SMAD9: variants seen among roughly 807,000 people sequenced by gnomAD.
SMAD9 encodes the protein SMAD family member 9.
Under a neutral mutation model 46.1 loss-of-function variants are expected in SMAD9, and 36 were observed. That is an observed-to-expected ratio of 0.78 (90% confidence interval 0.60 to 1.03). The LOEUF is 1.03. Ranked by LOEUF, SMAD9 falls within the 50% of genes least tolerant of loss-of-function variation. SMAD9 has a pLI of 0.00. For missense variants in SMAD9, 572 were observed against 599.8 expected, an observed-to-expected ratio of 0.95 and a Z score of 0.48; for synonymous variants, 245 against 237.1, an observed-to-expected ratio of 1.03 and a Z score of -0.31.
chr13:36,892,646 C>T (rs370801732), intron 1 of SMAD9, among the ~76,000 whole-genome samples: 4 of 152,108 alleles, frequency 2.6e-5, no homozygotes, highest in Non-Finnish European at 4.4e-5. Flanking sequence ...TCAGGAACGA[C>T]GGAGCTGTTT....
Position 36,879,320 on chromosome 13 carries a change from C to T in SMAD9, c.370G>A (p.Val124Met). 1.9e-6 allele frequency: 3 copies of T among 1,614,178 alleles called. No individual in the cohort carries two copies. Among genetic ancestry groups the T allele is most frequent in the Non-Finnish European group, 2.5e-6 (3 of 1,180,048 alleles). ...CGGTAGTGGTAAGGGTTAATGCACA[C>T]TTCTTTCTGCTTGGAGCCAAATGGG... ...EFPFGSKQKE[V>M]CINPYHYRRV... Residue 124 changes from valine (V) to methionine (M), a missense_variant, in exon 2 of 7, where the codon GTG (valine) becomes ATG (methionine). By Grantham distance (21) the Val-to-Met change is conservative (BLOSUM62 1). Coordinates refer to ENST00000379826, the MANE Select transcript of SMAD9 (RefSeq NM_001127217.3).
rs1450851576 is a variant in SMAD9 at position 36,872,928 on chromosome 13, A to G, written c.413-13T>C. ...ACAGGAGGCAGTACTAGGATCAGAA[A>G]GGAACAAGGCAGTTAGAATTGAACA... On this transcript the variant is annotated splice_polypyrimidine_tract_variant and intron_variant, in intron 2 of 6. Coordinates refer to ENST00000379826, the MANE Select transcript of SMAD9 (RefSeq NM_001127217.3). 3 of 1,613,970 alleles carry G rather than the reference A, an allele frequency of 1.9e-6. No individual in the cohort carries two copies. Among genetic ancestry groups the G allele is most frequent in the Non-Finnish European group, 2.5e-6 (3 of 1,179,970 alleles).
At chr13:36,884,685 T>A (rs535298366) in intron 1 of SMAD9, among the ~76,000 whole-genome samples, 1 of 152,328 alleles carries the variant, frequency 6.6e-6, no homozygotes, top group African/African-American at 2.4e-5. Context: ...CGGTTTTAAA[T>A]CCAGCTCCCA....
At chr13:36,898,500 C>T (rs536295341) in intron 1 of SMAD9, among the ~76,000 whole-genome samples, 1 of 151,984 alleles carries the variant, frequency 6.6e-6, no homozygotes, top group South Asian at 2.1e-4. Flanking sequence ...AACAGATGTA[C>T]ACATCCTTAA....
chr13:36,858,325 C>T lies in SMAD9; in HGVS notation c.1004-4650G>A, dbSNP rs541095513. ...CCTACCGTTGTGCACTGCACAACCA[C>T]TGCAAACCAGGGTTTGCCTCCTAGT... is the stretch of plus-strand genomic sequence containing the variant. On this transcript the variant is annotated intron_variant, in intron 5 of 6. Coordinates refer to ENST00000379826, the MANE Select transcript of SMAD9 (RefSeq NM_001127217.3). Among the ~76,000 whole-genome samples, 6 of 152,348 alleles carry T rather than the reference C, an allele frequency of 3.9e-5. No individual in the cohort carries two copies. The East Asian group carries it at 1.2e-3, about 29-fold the overall frequency.
At chr13:36,859,875 G>A (rs576024072) in intron 5 of SMAD9, among the ~76,000 whole-genome samples, 4 of 151,692 alleles carry the variant, frequency 2.6e-5, no homozygotes, top group Admixed American at 6.6e-5. Flanking sequence ...CAGGAGAATC[G>A]CTTGAACCCG....
rs1255759584 is a variant in SMAD9 at position 36,919,728 on chromosome 13, G to A, written c.-187+388C>T. 2.0e-5 allele frequency among the ~76,000 whole-genome samples: 3 copies of A among 151,072 alleles called. No individual in the cohort carries two copies. In the East Asian group the frequency reaches 6.0e-4, roughly 30 times the overall value. On this transcript the variant is annotated intron_variant, in intron 1 of 6. Coordinates refer to ENST00000379826, the MANE Select transcript of SMAD9 (RefSeq NM_001127217.3). ...CCGCGGGTCGAACATCCCCTGACAG[G>A]TCCCGGGGCCCGCGGCGCGGGCGGA...
chr13:36,911,719 A>C lies in SMAD9; in HGVS notation c.-187+8397T>G, dbSNP rs477288. ...AAGCTCAATTTATTTTTTATTTTTT[A>C]TTTTTTGAGACAGAGTTTTGCTCTT... On this transcript the variant is annotated intron_variant, in intron 1 of 6. Transcript: ENST00000379826. 3.2e-3 allele frequency among the ~76,000 whole-genome samples: 438 copies of C among 136,232 alleles called. 3 individuals are homozygous for C. The highest frequency in any genetic ancestry group is 0.011 in the African/African-American group (419 of 38,638). The allele number at this position is 136,232 out of a possible 152,430, so 89.4% of individuals were successfully genotyped here.
At chr13:36,855,359 G>A (rs896435840) in intron 5 of SMAD9, among the ~76,000 whole-genome samples, 4 of 151,278 alleles carry the variant, frequency 2.6e-5, no homozygotes, top group African/African-American at 9.7e-5. Context: ...CTAAATGTCT[G>A]GGTTTGAGAT....
At chr13:36,854,074 G>A (rs541491201) in intron 5 of SMAD9, among the ~76,000 whole-genome samples, 1 of 152,192 alleles carries the variant, frequency 6.6e-6, no homozygotes, top group East Asian at 1.9e-4. Context: ...CAGGAGAATT[G>A]CTTGAACCTG....
chr13:36,913,605 T>C (rs2058677434), intron 1 of SMAD9, among the ~76,000 whole-genome samples: 1 of 152,190 alleles, frequency 6.6e-6, no homozygotes, highest in East Asian at 1.9e-4. Flanking sequence ...TGCCACTCCT[T>C]TGAAATAATA....
rs2058735084 is a variant in SMAD9 at position 36,920,223 on chromosome 13, C to CGG, written c.-296_-295dup. 2 of 163,282 alleles carry CGG rather than the reference C, an allele frequency of 1.2e-5. No individual in the cohort carries two copies. The highest frequency in any genetic ancestry group is 2.5e-5 in the Non-Finnish European group (2 of 78,774). The allele number at this position is 163,282 out of a possible 1,614,324, so 10.1% of individuals were successfully genotyped here. The stretch of plus-strand genomic sequence containing the variant: ...CGGCGGCGGCGGCGGCGGCCCCAGC[C>CGG]GGCGTCAGTCAGACTGGAGCCGCGA... On this transcript the variant is annotated 5_prime_UTR_variant, in exon 1 of 7. Coordinates refer to ENST00000379826, the MANE Select transcript of SMAD9 (RefSeq NM_001127217.3).
intron 1 of SMAD9, among the ~76,000 whole-genome samples, chr13:36,881,428 A>C (rs1490163285): frequency 6.6e-6 from 1 of 152,216 alleles, no homozygotes; most frequent in Non-Finnish European, 1.5e-5. Context: ...TACCTTTCTG[A>C]GTCCAATTCT....
chr13:36,901,572 C>T (rs1389511297), intron 1 of SMAD9, among the ~76,000 whole-genome samples: 1 of 152,028 alleles, frequency 6.6e-6, no homozygotes, highest in African/African-American at 2.4e-5. Context: ...AGACTACAGG[C>T]ACGTGCCACC....
intron 3 of SMAD9, among the ~76,000 whole-genome samples, chr13:36,872,226 G>A (rs1222200406): frequency 6.6e-6 from 1 of 151,880 alleles, no homozygotes; most frequent in Non-Finnish European, 1.5e-5. Context: ...AAAGGATGCA[G>A]GCATATGTTT....
intron 3 of SMAD9, among the ~76,000 whole-genome samples, chr13:36,872,077 A>G (rs775702254): frequency 6.6e-6 from 1 of 152,126 alleles, no homozygotes; most frequent in African/African-American, 2.4e-5. Context: ...ACAGCATGCT[A>G]GAGGCTCCCT....
chr13:36,900,355 A>G (rs1481905760), intron 1 of SMAD9, among the ~76,000 whole-genome samples: 1 of 151,992 alleles, frequency 6.6e-6, no homozygotes, highest in African/African-American at 2.4e-5. Context: ...ATCTCTGCTC[A>G]CTGCAACCTC....
intron 1 of SMAD9, among the ~76,000 whole-genome samples, chr13:36,900,859 C>A (rs2058569678): frequency 6.6e-6 from 1 of 152,154 alleles, no homozygotes. Flanking sequence ...ATGTAACCAT[C>A]ACCTTTACCT....
At chr13:36,849,107 TTTCCC>T (rs1189303460) in intron 6 of SMAD9, among the ~76,000 whole-genome samples, 2 of 152,158 alleles carry the variant, frequency 1.3e-5, no homozygotes, top group African/African-American at 4.8e-5. Flanking sequence ...GAAAAATCAT[TTTCCC>T]TTCCACAAAG....
Sources: gnomAD v4.1 joint callset for allele counts (sites outside exome capture counted in the v4.1 genomes callset) on GRCh38, gnomAD v4.1.1 for gene constraint, MANE v1.5 for transcripts, NCBI Gene and HGNC (gene_info 2026-07-23, HGNC 2026-07-21) for gene names.